Variants in TC2N observed in about 807,000 individuals in gnomAD.
TC2N encodes the protein tandem C2 domains, nuclear, also known as tandem C2 domains nuclear protein.
Under a neutral mutation model 61.9 loss-of-function variants are expected in TC2N, and 51 were observed. The observed-to-expected ratio is 0.82, with a 90% CI of 0.66 to 1.04. The LOEUF is 1.04. Among genes scored for constraint, TC2N ranks in the 50% least tolerant of loss-of-function variants. The pLI is 0.00. For missense variants in TC2N, 556 were observed against 566.7 expected (o/e 0.98, Z 0.19); for synonymous variants, 204 against 192.6 (o/e 1.06, Z -0.49).
Position 91,792,452 on chromosome 14 carries a change from A to AT in TC2N, c.961dup (p.Ile321AsnfsTer12). 1.2e-6 allele frequency: 2 copies of AT among 1,611,516 alleles called. No individual in the cohort carries two copies. Among genetic ancestry groups the AT allele is most frequent in the Non-Finnish European group, 1.7e-6 (2 of 1,178,330 alleles). ...TCTGAGTGACATTGAGCATTCTCCA[A>AT]TGGTTTTCTTCCTGGGAGTCTGGGT... On this transcript the variant is annotated frameshift_variant, in exon 9 of 12. Transcript: ENST00000435962. LOFTEE classifies it high-confidence loss of function.
At chr14:91,787,878 C>A (rs1293899165) in intron 9 of TC2N, among the ~76,000 whole-genome samples, 1 of 151,744 alleles carries the variant, frequency 6.6e-6, no homozygotes, top group Non-Finnish European at 1.5e-5. Flanking sequence ...CACCTAGAGC[C>A]AATTCAAATT....
chr14:91,843,166 AC>A (rs971345751), intron 1 of TC2N, among the ~76,000 whole-genome samples: 11 of 152,254 alleles, frequency 7.2e-5, no homozygotes, highest in African/African-American at 2.6e-4. Context: ...TGCCAGGTAA[AC>A]CCAGCTGAGA....
chr14:91,836,683 GGCCTCCCGCGTACCTGAGCCGCGCTGC>G (rs1888039037), intron 1 of TC2N, among the ~76,000 whole-genome samples: 1 of 152,132 alleles, frequency 6.6e-6, no homozygotes, highest in South Asian at 2.1e-4. Flanking sequence ...GGAGGGGCGG[GGCCTCCCGCGTACCTGAGCCGCGCTGC>G]GCCTGCGTCC....
chr14:91,821,219 A>T (rs1350197132), intron 1 of TC2N, among the ~76,000 whole-genome samples: 1 of 152,040 alleles, frequency 6.6e-6, no homozygotes, highest in Non-Finnish European at 1.5e-5. Context: ...TAACTTCAAA[A>T]TTTACTACAA....
intron 1 of TC2N, among the ~76,000 whole-genome samples, chr14:91,817,958 C>A (rs1196789544): frequency 3.3e-5 from 5 of 152,080 alleles, no homozygotes; most frequent in Non-Finnish European, 5.9e-5. Flanking sequence ...TATCCTACCA[C>A]CTGAAAAGCA....
intron 1 of TC2N, among the ~76,000 whole-genome samples, chr14:91,857,095 G>A (rs10147496): frequency 6.6e-6 from 1 of 152,264 alleles, no homozygotes; most frequent in East Asian, 1.9e-4. Context: ...GCTAGTCAAT[G>A]CCCCACTCCA....
chr14:91,786,678 A>G (rs1885379499), intron 10 of TC2N, among the ~76,000 whole-genome samples: 1 of 152,232 alleles, frequency 6.6e-6, no homozygotes, highest in South Asian at 2.1e-4. Flanking sequence ...TTTATACATG[A>G]TAGAATCTCT....
chr14:91,791,887 C>T (rs1045884300), intron 9 of TC2N, among the ~76,000 whole-genome samples: 2 of 151,992 alleles, frequency 1.3e-5, no homozygotes, highest in South Asian at 4.2e-4. Flanking sequence ...GAGACCGAGG[C>T]GGGCAGATCA....
At chr14:91,849,356 C>G (rs1050028290) in intron 1 of TC2N, among the ~76,000 whole-genome samples, 5 of 151,910 alleles carry the variant, frequency 3.3e-5, no homozygotes, top group Admixed American at 1.3e-4. Context: ...ACACAAGACA[C>G]TTTGGTGGCC....
At position 91,792,370 on chromosome 14, in the gene TC2N, A is replaced by C; in HGVS notation, c.1044T>G (p.Ile348Met). The C allele has an allele frequency of 6.3e-7, 1 of 1,584,938 alleles. No homozygotes were observed. Among genetic ancestry groups the C allele is most frequent in the East Asian group, 2.2e-5 (1 of 44,630 alleles). ...TTAACATACTATTATCGCTTACAGA[A>C]ATTTTTGAAGGTGGTGTTATATCCA... ...YSLDITPPSK[I>M]SVCHAELELG... Residue 348 changes from isoleucine to methionine, a missense_variant, in exon 9 of 12, where the codon ATT (isoleucine) becomes ATG (methionine). Coordinates refer to ENST00000435962, the MANE Select transcript of TC2N (RefSeq NM_001128596.3).
chr14:91,801,983 A>G (rs1468283970), intron 4 of TC2N, among the ~76,000 whole-genome samples: 2 of 152,220 alleles, frequency 1.3e-5, no homozygotes, highest in African/African-American at 4.8e-5. Context: ...TCCATGTTGT[A>G]TAAAAGATCT....
At chr14:91,819,646 TTTA>T (rs952985477) in intron 1 of TC2N, among the ~76,000 whole-genome samples, 6 of 152,266 alleles carry the variant, frequency 3.9e-5, no homozygotes, top group African/African-American at 1.4e-4. Flanking sequence ...AAATACATGA[TTTA>T]TTATTATTGG....
intron 1 of TC2N, among the ~76,000 whole-genome samples, chr14:91,824,400 A>G (rs10498632): frequency 0.29 from 44,015 of 152,138 alleles, 6,778 homozygotes; most frequent in Middle Eastern, 0.37. Flanking sequence ...TGTCTATGGT[A>G]TTCTCACAAA....
chr14:91,809,716 G>A (rs1369162276), intron 3 of TC2N, among the ~76,000 whole-genome samples: 1 of 152,192 alleles, frequency 6.6e-6, no homozygotes, highest in Non-Finnish European at 1.5e-5. Context: ...AAGAACCACA[G>A]GGTACAGTTC....
intron 1 of TC2N, among the ~76,000 whole-genome samples, chr14:91,852,146 G>T (rs1196475836): frequency 6.6e-6 from 1 of 152,200 alleles, no homozygotes; most frequent in Admixed American, 6.5e-5. Context: ...ATAAAAATGC[G>T]GCCAAGCGCG....
intron 4 of TC2N, among the ~76,000 whole-genome samples, chr14:91,800,798 C>T (rs1886193679): frequency 6.6e-6 from 1 of 151,964 alleles, no homozygotes; most frequent in Admixed American, 6.6e-5. Flanking sequence ...TTTAGTTTCC[C>T]TCCTACACTG....
chr14:91,850,149 T>G (rs1888345895), intron 1 of TC2N, among the ~76,000 whole-genome samples: 1 of 149,532 alleles, frequency 6.7e-6, no homozygotes, highest in Non-Finnish European at 1.5e-5. Flanking sequence ...ATGGTGACAG[T>G]GCAAGAGCCT....
At position 91,797,786 on chromosome 14, in the gene TC2N, T is replaced by C. The variant is rs572770511; in HGVS notation, c.854A>G (p.Asn285Ser). 5.0e-5 allele frequency: 78 copies of C among 1,575,570 alleles called. 2 individuals are homozygous for C. In the South Asian group the frequency reaches 7.7e-4, roughly 16 times the overall value. Residue 285 changes from asparagine (N) to serine (S), a missense_variant and splice_region_variant, in exon 8 of 12, where the codon AAC becomes AGC. By Grantham distance (46) the Asn-to-Ser change is conservative (BLOSUM62 1). Coordinates refer to ENST00000435962, the MANE Select transcript of TC2N (RefSeq NM_001128596.3). ...HFKSSAKEGS[N>S]AIEFMETFVF... ...ATTCAAATACAAACAGCCACTTACG[T>C]TGGAACCTTCCTTGGCTGAAGATTT...
chr14:91,846,307 A>G (rs1185042274), intron 1 of TC2N, among the ~76,000 whole-genome samples: 2 of 152,188 alleles, frequency 1.3e-5, no homozygotes, highest in Non-Finnish European at 2.9e-5. Context: ...GGACACTAAA[A>G]AATGATTTGT....
Sources: allele counts gnomAD v4.1 joint callset (sites outside exome capture counted in the v4.1 genomes callset), GRCh38; gene constraint gnomAD v4.1.1; transcripts MANE v1.5; gene names NCBI Gene and HGNC (gene_info 2026-07-23, HGNC 2026-07-21).